Variants in PRSS3 observed in about 807,000 individuals in gnomAD.
The protein encoded by PRSS3 is serine protease 3.
PRSS3 carries 14 observed loss-of-function variants against 20.8 expected under a neutral mutation model. That is an observed-to-expected ratio of 0.67 (90% CI 0.44 to 1.05). The LOEUF is 1.05. Among genes scored for constraint, PRSS3 ranks in the 50% least tolerant of loss-of-function variants. The pLI is 0.00. For synonymous variants in PRSS3, 91 were observed against 117.6 expected (o/e 0.77, Z 1.46); for missense variants, 237 against 306.4 (o/e 0.77, Z 1.69).
intron 1 of PRSS3, among the ~76,000 whole-genome samples, chr9:33,769,782 G>A (rs1823601700): frequency 6.6e-6 from 1 of 152,218 alleles, no homozygotes; most frequent in South Asian, 2.1e-4. Flanking sequence ...CACCATTTAG[G>A]GTAGAGGAAT....
At position 33,750,803 on chromosome 9, in the gene PRSS3, G is replaced by A; in HGVS notation, c.-53+76G>A. 1.4e-6 allele frequency: 2 copies of A among 1,410,870 alleles called. No homozygotes were observed. Among genetic ancestry groups the A allele is most frequent in the Non-Finnish European group, 1.8e-6 (2 of 1,088,638 alleles). The allele number at this position is 1,410,870 out of a possible 1,614,324, so 87.4% of individuals were successfully genotyped here. A position where few individuals can be genotyped will look rare whatever the true frequency, so the allele number is the denominator to read the frequency against. ...GGAGAGGGAGCCCCGCCAAGGAGCG[G>A]GGCTGTGATGGAGAGGGGGTTCCGA... On this transcript the variant is annotated intron_variant, in intron 1 of 5. Coordinates refer to the PRSS3 transcript ENST00000342836. The surrounding 1 kb of genome is among the most constrained non-coding windows in gnomAD (Gnocchi z 4.8).
At chr9:33,775,126 C>T (rs1823866762) in intron 1 of PRSS3, among the ~76,000 whole-genome samples, 1 of 150,534 alleles carries the variant, frequency 6.6e-6, no homozygotes, top group Non-Finnish European at 1.5e-5. Flanking sequence ...TTATCAAAAC[C>T]AACCATTTCA....
chr9:33,793,594 G>A (rs1177719208), upstream of PRSS3: 2 of 731,424 alleles, frequency 2.7e-6, no homozygotes, highest in African/African-American at 3.8e-5. Context: ...AAAGCAGGAG[G>A]AAGGAATCAG....
chr9:33,789,738 G>A (rs1824552654), intron 1 of PRSS3, among the ~76,000 whole-genome samples: 1 of 152,142 alleles, frequency 6.6e-6, no homozygotes, highest in Non-Finnish European at 1.5e-5. Context: ...TTTACCTACA[G>A]TGAAGCCTTG....
At chr9:33,792,965 T>A (rs1218526768), upstream of PRSS3, among the ~76,000 whole-genome samples, 1 of 152,236 alleles carries the variant, frequency 6.6e-6, no homozygotes, top group African/African-American at 2.4e-5. Context: ...AAATTGAGCT[T>A]GGGCAGCTGG....
chr9:33,769,358 C>T (rs1412662360), intron 1 of PRSS3, among the ~76,000 whole-genome samples: 2 of 152,206 alleles, frequency 1.3e-5, no homozygotes, highest in African/African-American at 2.4e-5. Context: ...TGGATACAGT[C>T]AACCAACTCA....
upstream of PRSS3, among the ~76,000 whole-genome samples, chr9:33,792,352 T>G (rs1376995467): frequency 6.6e-6 from 1 of 151,970 alleles, no homozygotes; most frequent in African/African-American, 2.4e-5. Flanking sequence ...AAAAAAGAAT[T>G]TGGAATCTGA....
Position 33,784,145 on chromosome 9 carries a change from T to C in PRSS3, c.-52-10601T>C, listed in dbSNP as rs571000768. On this transcript the variant is annotated intron_variant, in intron 1 of 5. Coordinates refer to the PRSS3 transcript ENST00000342836. ...AGAAAAATCTAGAGACTACTGCAGT[T>C]TGAAAGGCATGTAAAGAGAGGGGAA... 5.9e-5 allele frequency among the ~76,000 whole-genome samples: 9 copies of C among 152,248 alleles called. No individual in the cohort carries two copies. The East Asian group carries it at 1.7e-3, about 29-fold the overall frequency.
intron 1 of PRSS3, among the ~76,000 whole-genome samples, chr9:33,752,392 T>C (rs572502852): frequency 6.6e-6 from 1 of 152,334 alleles, no homozygotes; most frequent in Admixed American, 6.5e-5. Flanking sequence ...AAATGTAAAA[T>C]GGGTGAGGAC....
At chr9:33,760,213 A>G (rs771557583) in intron 1 of PRSS3, among the ~76,000 whole-genome samples, 49 of 150,760 alleles carry the variant, frequency 3.3e-4, no homozygotes, top group Admixed American at 3.2e-3. Flanking sequence ...TTTGAAAACT[A>G]AGCCCACCTT....
intron 1 of PRSS3, among the ~76,000 whole-genome samples, chr9:33,767,468 G>A (rs1823486927): frequency 6.6e-6 from 1 of 152,148 alleles, no homozygotes; most frequent in Non-Finnish European, 1.5e-5. Context: ...GGTCTTTAAA[G>A]AAGTAATCAA....
At position 33,797,760 on chromosome 9, in the gene PRSS3, C is replaced by A. The variant is rs559811455; in HGVS notation, c.201-69C>A. 1.9e-4 allele frequency: 313 copies of A among 1,613,756 alleles called. No individual in the cohort carries two copies. The African/African-American group carries it at 3.5e-3, about 18-fold the overall frequency. The stretch of plus-strand genomic sequence containing the variant: ...ATCCATGAGCAGTGAGCTTGAGGAC[C>A]CTGGGGAAGGTGGGAGGGGTGCCCA... On this transcript the variant is annotated intron_variant, in intron 2 of 4. Coordinates refer to ENST00000379405, the MANE Select transcript of PRSS3 (RefSeq NM_002771.4).
At chr9:33,752,493 A>G (rs1822743282) in intron 1 of PRSS3, among the ~76,000 whole-genome samples, 1 of 152,212 alleles carries the variant, frequency 6.6e-6, no homozygotes, top group African/African-American at 2.4e-5. Flanking sequence ...TAGTGTGTCA[A>G]CTAGTGGTAC....
intron 1 of PRSS3, among the ~76,000 whole-genome samples, chr9:33,768,695 A>C (rs1823555698): frequency 6.6e-6 from 1 of 151,246 alleles, no homozygotes; most frequent in South Asian, 2.1e-4. Context: ...CATCTCTACT[A>C]AAATACAAAA....
chr9:33,796,339 G>A (rs1379596865), intron 1 of PRSS3, among the ~76,000 whole-genome samples: 1 of 152,206 alleles, frequency 6.6e-6, no homozygotes, highest in Non-Finnish European at 1.5e-5. Context: ...CACTCAGTGG[G>A]TGAGACAACA....
chr9:33,787,596 G>A (rs1214020642), intron 1 of PRSS3, among the ~76,000 whole-genome samples: 1 of 152,172 alleles, frequency 6.6e-6, no homozygotes, highest in Non-Finnish European at 1.5e-5. Context: ...TAAAGCTGGG[G>A]CCAGGGAAAG....
At chr9:33,759,598 G>T (rs1019118944) in intron 1 of PRSS3, among the ~76,000 whole-genome samples, 1 of 152,104 alleles carries the variant, frequency 6.6e-6, no homozygotes, top group Non-Finnish European at 1.5e-5. Context: ...AAGCCGATTT[G>T]GTGGGGAAAA....
intron 1 of PRSS3, among the ~76,000 whole-genome samples, chr9:33,776,886 T>A (rs855417): frequency 1 from 151,537 of 152,264 alleles, 75,413 homozygotes; most frequent in East Asian, 1. Flanking sequence ...ATATAAATAT[T>A]AAAAAGCATG....
intron 1 of PRSS3, among the ~76,000 whole-genome samples, chr9:33,768,634 A>T: frequency 6.6e-6 from 1 of 151,956 alleles, no homozygotes. Context: ...AGACAGGTGG[A>T]TCACCTGAGG....
Sources: gnomAD v4.1 joint callset for allele counts (sites outside exome capture counted in the v4.1 genomes callset) on GRCh38, gnomAD v4.1.1 for gene constraint, Gnocchi (gnomAD v3.1) non-coding constraint, MANE v1.5 for transcripts, NCBI Gene and HGNC (gene_info 2026-07-23, HGNC 2026-07-21) for gene names.